DUSP16: variants seen among roughly 807,000 people sequenced by gnomAD.
The protein encoded by DUSP16 is dual specificity phosphatase 16.
In DUSP16, 21 loss-of-function variants were observed where a neutral mutation model predicts 58.3. That is an observed-to-expected ratio of 0.36 (90% CI 0.26 to 0.52). The LOEUF (loss-of-function observed/expected upper bound fraction) is 0.52, where lower values mean the gene tolerates loss of function less well. Ranked by LOEUF, DUSP16 falls within the 20% of genes least tolerant of loss-of-function variation. DUSP16 has a pLI of 0.94. For synonymous variants in DUSP16, 320 were observed against 323.8 expected (o/e 0.99, Z 0.12); for missense variants, 726 against 819.0 (o/e 0.89, Z 1.39).
chr12:12,542,011 C>A lies in DUSP16; in HGVS notation c.-366+20106G>T, dbSNP rs955967238. Reference sequence around the variant, plus strand: ...GATACCAGCTACAATATGGGAGAACCCCAAAAACGTTATGCTAAGGGAAAG... The same window carrying A: ...GATACCAGCTACAATATGGGAGAACACCAAAAACGTTATGCTAAGGGAAAG... On this transcript the variant is annotated intron_variant, in intron 1 of 6. Transcript: ENST00000298573. Among the ~76,000 whole-genome samples the A allele has an allele frequency of 3.3e-5, 5 of 151,992 alleles. No individual in the cohort carries two copies. In the East Asian group the frequency reaches 9.6e-4, roughly 29 times the overall value.
chr12:12,484,008 T>A (rs180881343), intron 5 of DUSP16, among the ~76,000 whole-genome samples: 22 of 151,692 alleles, frequency 1.5e-4, no homozygotes, highest in Admixed American at 3.9e-4. Context: ...TAAAAAAAAA[T>A]TTTACATTTA....
chr12:12,502,065 G>A (rs1943918659), intron 3 of DUSP16, among the ~76,000 whole-genome samples: 1 of 152,110 alleles, frequency 6.6e-6, no homozygotes. Flanking sequence ...TTTTAACTGA[G>A]CCTTGAACAA....
Position 12,476,640 on chromosome 12 carries a change from A to G in DUSP16, c.*193T>C. On this transcript the variant is annotated 3_prime_UTR_variant, in exon 7 of 7. Coordinates refer to ENST00000298573, the MANE Select transcript of DUSP16 (RefSeq NM_030640.3). Reference sequence around the variant, plus strand: ...TCTGCCCTTCCATTTTTGTTGAGAGAAGTATTAGCTGATCTCTCAAATGCA... The same window carrying G: ...TCTGCCCTTCCATTTTTGTTGAGAGGAGTATTAGCTGATCTCTCAAATGCA... 2.0e-6 allele frequency: 1 copy of G among 503,808 alleles called. No homozygotes were observed. Among genetic ancestry groups the G allele is most frequent in the South Asian group, 3.6e-5 (1 of 27,614 alleles). 31.2% of individuals were successfully genotyped at this position (503,808 alleles called of 1,614,324 possible). A position where few individuals can be genotyped will look rare whatever the true frequency, so the allele number is the denominator to read the frequency against.
chr12:12,516,742 T>C (rs766199528), intron 3 of DUSP16, among the ~76,000 whole-genome samples: 30 of 152,238 alleles, frequency 2.0e-4, no homozygotes, highest in Non-Finnish European at 4.3e-4. Context: ...ACTTTCAGAC[T>C]TCATCACTGC....
intron 1 of DUSP16, among the ~76,000 whole-genome samples, chr12:12,529,720 A>G (rs1566030502): frequency 6.6e-6 from 1 of 152,144 alleles, no homozygotes; most frequent in Non-Finnish European, 1.5e-5. Flanking sequence ...TTTGGTAACC[A>G]TTCTACTCTC....
At chr12:12,554,766 C>CATT (rs1447118590) in intron 1 of DUSP16, 4 of 151,838 alleles carry the variant, frequency 2.6e-5, no homozygotes. Flanking sequence ...TAAATATCAC[C>CATT]TAATATATAT....
chr12:12,475,451 T>C lies in DUSP16; in HGVS notation c.*1382A>G, dbSNP rs1017290729. 1 of 152,226 alleles carries C rather than the reference T, an allele frequency of 6.6e-6. No individual in the cohort carries two copies. The highest frequency in any genetic ancestry group is 1.9e-4 in the East Asian group (1 of 5,198). The allele number at this position is 152,226 out of a possible 1,614,324, so 9.4% of individuals were successfully genotyped here. ...TCTCGCTCCATTTTGATTTGCTTTT[T>C]CCACTGAAGACACGCCGGCCAGCGT... On this transcript the variant is annotated 3_prime_UTR_variant, in exon 7 of 7. Transcript: ENST00000298573.
Position 12,542,175 on chromosome 12 carries a change from G to C in DUSP16, c.-366+19942C>G, listed in dbSNP as rs185699514. 5.2e-3 allele frequency among the ~76,000 whole-genome samples: 791 copies of C among 152,122 alleles called. 7 individuals are homozygous for C. The highest frequency in any genetic ancestry group is 5.1e-3 in the Non-Finnish European group (346 of 67,962). Reference sequence around the variant, plus strand: ...GCGGATCACCTCAGGTTGGGAGTTAGGTACTAGCCTGACCATGGAGAAATC... The same window carrying C: ...GCGGATCACCTCAGGTTGGGAGTTACGTACTAGCCTGACCATGGAGAAATC... On this transcript the variant is annotated intron_variant, in intron 1 of 6. Coordinates refer to ENST00000298573, the MANE Select transcript of DUSP16 (RefSeq NM_030640.3).
chr12:12,502,944 G>A (rs886074091), intron 3 of DUSP16, among the ~76,000 whole-genome samples: 2 of 152,076 alleles, frequency 1.3e-5, no homozygotes, highest in South Asian at 2.1e-4. Context: ...TAGAAGCCAC[G>A]GTACATACAG....
At chr12:12,494,204 G>GT (rs1480565990) in intron 4 of DUSP16, among the ~76,000 whole-genome samples, 2 of 152,074 alleles carry the variant, frequency 1.3e-5, no homozygotes, top group East Asian at 3.8e-4. Flanking sequence ...AAAAAAGACT[G>GT]TTTTTCCTGG....
At chr12:12,510,535 TAGAGC>T (rs1164440750) in intron 3 of DUSP16, among the ~76,000 whole-genome samples, 8 of 152,164 alleles carry the variant, frequency 5.3e-5, no homozygotes, top group Admixed American at 5.2e-4. Flanking sequence ...AGAGACGTCA[TAGAGC>T]AGTGAGGGAG....
chr12:12,524,313 T>C (rs1164759521), intron 1 of DUSP16, among the ~76,000 whole-genome samples: 2 of 152,204 alleles, frequency 1.3e-5, no homozygotes, highest in Non-Finnish European at 2.9e-5. Context: ...TGAAGTTCCA[T>C]TCTTTCAGTG....
rs1456083471 is a variant in DUSP16, at chr12:12,519,971, T to C, written c.258A>G (p.Val86=). 1.9e-6 allele frequency: 3 copies of C among 1,614,028 alleles called. No homozygotes were observed. In the African/African-American group the frequency reaches 4.0e-5, roughly 22 times the overall value. Residue 86 remains valine, a synonymous_variant, in exon 3 of 7, where the codon GTA becomes GTG. Coordinates refer to ENST00000298573, the MANE Select transcript of DUSP16 (RefSeq NM_030640.3). Reference sequence around the variant, plus strand: ...CATCTTGGGAGCTTTGATCGTAAACTACAACCTTCTGACTGCAATCAATGT... The same window carrying C: ...CATCTTGGGAGCTTTGATCGTAAACCACAACCTTCTGACTGCAATCAATGT... ...KVDIDCSQKV[V]VYDQSSQDVA...
chr12:12,477,030 G>A lies in DUSP16; in HGVS notation c.1801C>T (p.Gln601Ter), dbSNP rs1426192227. The A allele has an allele frequency of 6.2e-7, 1 of 1,614,146 alleles. No individual in the cohort carries two copies. The highest frequency in any genetic ancestry group is 8.5e-7 in the Non-Finnish European group (1 of 1,180,050). The change falls in exon 7 of 7, where the codon CAG becomes TAG. Residue 601 changes from glutamine to a stop codon, truncating the protein, a stop_gained. Transcript: ENST00000298573. LOFTEE classifies it high-confidence loss of function. The surrounding 1 kb of genome is among the most constrained non-coding windows in gnomAD (Gnocchi z 4.1). Reference sequence around the variant, plus strand: ...GAGTCAGCTCTGTCACTTGGCTTCTGCCGCCTGCGCACAGAATAGACTTGG... The same window carrying A: ...GAGTCAGCTCTGTCACTTGGCTTCTACCGCCTGCGCACAGAATAGACTTGG... ...GDQVYSVRRR[Q>*]KPSDRADSRR...
chr12:12,513,587 G>A lies in DUSP16; in HGVS notation c.367+6275C>T, dbSNP rs76997454. 5.1e-3 allele frequency among the ~76,000 whole-genome samples: 770 copies of A among 152,284 alleles called. 7 individuals are homozygous for A. Among genetic ancestry groups the A allele is most frequent in the Non-Finnish European group, 4.9e-3 (332 of 68,018 alleles). On this transcript the variant is annotated intron_variant, in intron 3 of 6. Coordinates refer to ENST00000298573, the MANE Select transcript of DUSP16 (RefSeq NM_030640.3). ...TTTGTAAATGAAAGGGCTGAAGTCT[G>A]TGGTTCATTTATGGTTTTCTCCCGC...
rs1279356900 is a variant in DUSP16 at position 12,474,174 on chromosome 12, G to A, written c.*2659C>T. Reference sequence around the variant, plus strand: ...GCCTCCTTTGGCAACTTGAGTGGTGGTGTTCCCACCGAGTTTATGGCTGCA... The same window carrying A: ...GCCTCCTTTGGCAACTTGAGTGGTGATGTTCCCACCGAGTTTATGGCTGCA... On this transcript the variant is annotated 3_prime_UTR_variant, in exon 7 of 7. Coordinates refer to ENST00000298573, the MANE Select transcript of DUSP16 (RefSeq NM_030640.3). The A allele has an allele frequency of 2.6e-5, 4 of 152,208 alleles. No homozygotes were observed. Among genetic ancestry groups the A allele is most frequent in the African/African-American group, 9.7e-5 (4 of 41,448 alleles). 9.4% of individuals were successfully genotyped at this position (152,208 alleles called of 1,614,324 possible).
chr12:12,489,038 C>A (rs779081458), intron 4 of DUSP16, among the ~76,000 whole-genome samples: 15 of 152,214 alleles, frequency 9.9e-5, no homozygotes, highest in Non-Finnish European at 2.2e-4. Context: ...TGAGATCGCG[C>A]CATTGCACTC....
chr12:12,544,022 A>G (rs780860621), intron 1 of DUSP16, among the ~76,000 whole-genome samples: 3 of 152,138 alleles, frequency 2.0e-5, no homozygotes, highest in Non-Finnish European at 2.9e-5. Flanking sequence ...ATATGCCAAT[A>G]AGCATACACA....
chr12:12,522,628 A>G (rs1297465546), intron 1 of DUSP16, among the ~76,000 whole-genome samples: 6 of 151,962 alleles, frequency 3.9e-5, no homozygotes, highest in Admixed American at 3.9e-4. Flanking sequence ...CAGTAGCACA[A>G]TCTCAGCTCA....
Sources: allele counts gnomAD v4.1 joint callset (sites outside exome capture counted in the v4.1 genomes callset), GRCh38; gene constraint gnomAD v4.1.1; non-coding constraint Gnocchi (gnomAD v3.1); transcripts MANE v1.5; gene names NCBI Gene and HGNC (gene_info 2026-07-23, HGNC 2026-07-21).